Variants in SECISBP2L observed in about 807,000 individuals in gnomAD.
The protein encoded by SECISBP2L is SECIS binding protein 2 like, also known as selenocysteine insertion sequence-binding protein 2-like.
In SECISBP2L, 43 loss-of-function variants were observed where a neutral mutation model predicts 114.7. That is an observed-to-expected ratio of 0.38 (90% CI 0.29 to 0.48). The LOEUF (loss-of-function observed/expected upper bound fraction) is 0.48, where lower values mean the gene tolerates loss of function less well. Among genes scored for constraint, SECISBP2L ranks in the 20% least tolerant of loss-of-function variants. The pLI is 0.98. For synonymous variants in SECISBP2L, 451 were observed against 439.7 expected, an observed-to-expected ratio of 1.03 and a Z score of -0.32; for missense variants, 1,136 against 1,301.1, an observed-to-expected ratio of 0.87 and a Z score of 1.95.
Position 49,027,429 on chromosome 15 carries a change from C to G in SECISBP2L, c.971G>C (p.Trp324Ser), listed in dbSNP as rs754323912. The G allele has an allele frequency of 1.2e-6, 2 of 1,609,346 alleles. No individual in the cohort carries two copies. The highest frequency in any genetic ancestry group is 1.7e-6 in the Non-Finnish European group (2 of 1,177,054). Residue 324 changes from tryptophan to serine, a missense_variant, in exon 7 of 18, where the codon TGG becomes TCG. Physicochemically the swap from Trp to Ser is radical, Grantham distance 177 (BLOSUM62 -3). Around this residue, in one of 2 missense-constraint regions of SECISBP2L, gnomAD observed 452 missense variants for 452.3 expected, o/e 1.00. Transcript: ENST00000559471. ...AGAAAATGTCTGATTTTTTTCCATCCAAGGTTTTTTCTGAGTTGCCTGGCA... is the reference window on the plus strand; with the variant it reads ...AGAAAATGTCTGATTTTTTTCCATCGAAGGTTTTTTCTGAGTTGCCTGGCA... ...VTCQATQKKP[W>S]MEKNQTFSRG... is the part of the protein sequence containing the mutation.
At chr15:49,030,866 G>A (rs1172438791) in intron 4 of SECISBP2L, among the ~76,000 whole-genome samples, 1 of 151,956 alleles carries the variant, frequency 6.6e-6, no homozygotes, top group East Asian at 1.9e-4. Context: ...GAATTAAGAT[G>A]GCTTTACAAG....
chr15:49,040,528 T>C (rs1370863057), intron 1 of SECISBP2L, among the ~76,000 whole-genome samples: 1 of 17,844 alleles, frequency 5.6e-5, no homozygotes, highest in Non-Finnish European at 1.8e-4. Flanking sequence ...CAAACTATTC[T>C]TTTTTTTTTT....
intron 17 of SECISBP2L, among the ~76,000 whole-genome samples, chr15:48,993,242 G>A (rs1426164226): frequency 1.3e-5 from 2 of 151,604 alleles, no homozygotes; most frequent in African/African-American, 4.9e-5. Context: ...CCTATCTTGG[G>A]CTCCCAAAAT....
intron 14 of SECISBP2L, among the ~76,000 whole-genome samples, chr15:49,004,594 C>A (rs568316725): frequency 6.6e-6 from 1 of 152,340 alleles, no homozygotes; most frequent in African/African-American, 2.4e-5. Flanking sequence ...CCTCTAAACA[C>A]TGCTTTAGCT....
intron 4 of SECISBP2L, 81 bp downstream of exon 4, chr15:49,032,884 G>A (rs3743293): frequency 0.049 from 74,512 of 1,512,258 alleles, 2,268 homozygotes; most frequent in East Asian, 0.14. Context: ...ATTCTGACAA[G>A]TGGTTCAGAC....
intron 11 of SECISBP2L, among the ~76,000 whole-genome samples, chr15:49,014,886 G>C (rs1169027802): frequency 6.7e-6 from 1 of 149,134 alleles, no homozygotes; most frequent in African/African-American, 2.5e-5. Context: ...ATATAATATA[G>C]ACATTATATA....
At chr15:49,034,709 C>T (rs1450355131) in intron 3 of SECISBP2L, among the ~76,000 whole-genome samples, 4 of 133,716 alleles carry the variant, frequency 3.0e-5, no homozygotes, top group Non-Finnish European at 4.7e-5. Flanking sequence ...CTGTCACCTA[C>T]GCTGGAGTGT....
Position 49,028,601 on chromosome 15 carries a change from C to A in SECISBP2L, c.746G>T (p.Arg249Ile). Residue 249 changes from arginine (R) to isoleucine (I), a missense_variant, in exon 5 of 18, where the codon AGA becomes ATA. This residue lies in a region of SECISBP2L where 452 missense variants were observed against 452.3 expected (regional missense o/e 1.00). Transcript: ENST00000559471. ...MLWKSKGRRR[R>I]ASHPTAESSS... ...AGATTCAGCAGTAGGGTGGGATGCTCTTCTTCTCCTGCCCTTGGACTTCCA... is the reference window on the plus strand; with the variant it reads ...AGATTCAGCAGTAGGGTGGGATGCTATTCTTCTCCTGCCCTTGGACTTCCA... 1.2e-6 allele frequency: 2 copies of A among 1,614,112 alleles called. No individual in the cohort carries two copies. Among genetic ancestry groups the A allele is most frequent in the Non-Finnish European group, 1.7e-6 (2 of 1,179,980 alleles).
chr15:49,045,123 ATGTAT>A (rs1209650228), intron 1 of SECISBP2L, among the ~76,000 whole-genome samples: 2 of 152,136 alleles, frequency 1.3e-5, no homozygotes, highest in African/African-American at 4.8e-5. Context: ...TGGTAATTCC[ATGTAT>A]TGTTTTATAA....
chr15:49,036,085 A>G (rs781473745), intron 2 of SECISBP2L, among the ~76,000 whole-genome samples: 1 of 152,210 alleles, frequency 6.6e-6, no homozygotes, highest in Non-Finnish European at 1.5e-5. Context: ...TGATCTTTAC[A>G]TAGGGTGATT....
chr15:48,992,820 A>C lies in SECISBP2L; in HGVS notation c.2730T>G (p.Leu910=), dbSNP rs1029117212. Residue 910 remains leucine (L), a synonymous_variant, in exon 18 of 18, where the codon CTT becomes CTG. Transcript: ENST00000559471. ...TACCAATTGGGGGTGTGTCAAATGG[A>C]AGTTTACTGGGTTTTTCAGAAGTGC... ...KHSTSEKPSK[L]PFDTPPIGKQ... is the part of the protein sequence containing the mutation. The C allele has an allele frequency of 6.2e-7, 1 of 1,614,112 alleles. No individual in the cohort carries two copies. Among genetic ancestry groups the C allele is most frequent in the East Asian group, 2.2e-5 (1 of 44,876 alleles).
chr15:49,023,115 A>G (rs542592791), intron 7 of SECISBP2L, among the ~76,000 whole-genome samples: 1 of 152,310 alleles, frequency 6.6e-6, no homozygotes, highest in East Asian at 1.9e-4. Flanking sequence ...AATAATCATG[A>G]TAATAATGAG....
At chr15:49,025,122 C>T (rs1216660471) in intron 7 of SECISBP2L, among the ~76,000 whole-genome samples, 1 of 152,184 alleles carries the variant, frequency 6.6e-6, no homozygotes, top group Non-Finnish European at 1.5e-5. Context: ...ATCTAATCTA[C>T]ATAAATGATT....
At chr15:48,996,949 A>G (rs4390538) in intron 16 of SECISBP2L, among the ~76,000 whole-genome samples, 102,711 of 152,072 alleles carry the variant, frequency 0.68, 35,252 homozygotes, top group Middle Eastern at 0.74. Context: ...CTATGTGGCT[A>G]GAAAAAGATG....
At position 49,009,895 on chromosome 15, in the gene SECISBP2L, G is replaced by C. The variant is rs541779807; in HGVS notation, c.1865-517C>G. 7.9e-5 allele frequency among the ~76,000 whole-genome samples: 12 copies of C among 152,262 alleles called. 1 individual carries two copies. In the South Asian group the frequency reaches 2.5e-3, roughly 32 times the overall value. ...GCCTGTAATCCCAGCACTTTGGGAGGCCAAGGCAGAAGATTACTTGAGGTC... is the reference window on the plus strand; with the variant it reads ...GCCTGTAATCCCAGCACTTTGGGAGCCCAAGGCAGAAGATTACTTGAGGTC... On this transcript the variant is annotated intron_variant, in intron 13 of 17. Transcript: ENST00000559471.
chr15:48,994,659 GTTCC>G (rs1377663970), intron 17 of SECISBP2L, among the ~76,000 whole-genome samples: 1 of 151,948 alleles, frequency 6.6e-6, no homozygotes, highest in African/African-American at 2.4e-5. Flanking sequence ...TTAAATGTTA[GTTCC>G]TTCATGAAGT....
At chr15:49,018,208 C>T (rs957316747) in intron 8 of SECISBP2L, among the ~76,000 whole-genome samples, 11 of 151,814 alleles carry the variant, frequency 7.2e-5, no homozygotes, top group Admixed American at 5.9e-4. Flanking sequence ...TTGAGATATA[C>T]TCTCAAGTCC....
chr15:49,012,532 G>C, intron 12 of SECISBP2L, 116 bp downstream of exon 12: 1 of 1,007,046 alleles, frequency 9.9e-7, no homozygotes. Context: ...AGATTCATGT[G>C]TATGAATACT....
intron 2 of SECISBP2L, among the ~76,000 whole-genome samples, chr15:49,037,204 A>C (rs1903027134): frequency 6.9e-6 from 1 of 145,444 alleles, no homozygotes; most frequent in Non-Finnish European, 1.5e-5. Context: ...AAAGTTAAGG[A>C]CTATTGCTTG....
Sources: allele counts gnomAD v4.1 joint callset (sites outside exome capture counted in the v4.1 genomes callset), GRCh38; gene constraint gnomAD v4.1.1; regional missense constraint gnomAD v4.1.1; transcripts MANE v1.5; gene names NCBI Gene and HGNC (gene_info 2026-07-23, HGNC 2026-07-21).